The following CRHR1 variants were observed in gnomAD, a reference collection of about 807,000 sequenced individuals.
CRHR1 encodes the protein corticotropin-releasing hormone receptor 1.
A neutral mutation model predicts 56.0 loss-of-function variants in CRHR1; 28 were observed. The ratio of observed to expected loss-of-function variants is 0.50; its 90% CI spans 0.37 to 0.69. The LOEUF is 0.69. CRHR1 is among the 30% of genes least tolerant of loss of function. The probability of loss-of-function intolerance (pLI) is 0.00; values close to 1 mark genes in which losing one functional copy is unlikely to be tolerated. For synonymous variants in CRHR1, 195 were observed against 216.5 expected (o/e 0.90, Z 0.87); for missense variants, 376 against 548.0 (o/e 0.69, Z 3.13).
At chr17:45,808,782 A>G (rs758659752) in intron 2 of CRHR1, among the ~76,000 whole-genome samples, 29 of 152,270 alleles carry the variant, frequency 1.9e-4, no homozygotes, top group Admixed American at 1.2e-3. Context: ...CTGAGAAGCT[A>G]GGACTACGTG....
Position 45,821,304 on chromosome 17 carries a change from G to C in CRHR1, c.242-51G>C, listed in dbSNP as rs770204420. 5.8e-6 allele frequency: 9 copies of C among 1,554,452 alleles called. No individual in the cohort carries two copies. In the Admixed American group the frequency reaches 1.5e-4, roughly 26 times the overall value. On this transcript the variant is annotated intron_variant, in intron 3 of 12. Transcript: ENST00000314537. ...GCATCCATCTGGGCCAGGATGGTCA[G>C]GCAGGGGCCGGGGCTGCCCCGCCAT...
chr17:45,806,936 T>G (rs986669848), intron 1 of CRHR1, 74 bp from the exon 2 acceptor site: 26 of 1,377,244 alleles, frequency 1.9e-5, no homozygotes, highest in Non-Finnish European at 2.5e-5. Context: ...CCTGCAGTTT[T>G]CCTGGGTGAT....
Position 45,833,174 on chromosome 17 carries a change from C to T in CRHR1, c.807C>T (p.Asp269=), listed in dbSNP as rs758616111. The change falls in exon 9 of 13, where the codon GAC becomes GAT. Residue 269 remains aspartate, a synonymous_variant. Coordinates refer to ENST00000314537, the MANE Select transcript of CRHR1 (RefSeq NM_004382.5). ...GCAAAAGGCCTGGGGTGTACACCGA[C>T]TACATCTACCAGGGCCCCATGATCC... The part of the protein sequence containing the change: ...WFGKRPGVYT[D]YIYQGPMILV... The T allele has an allele frequency of 1.9e-6, 3 of 1,614,172 alleles. No homozygotes were observed. Among genetic ancestry groups the T allele is most frequent in the Non-Finnish European group, 2.5e-6 (3 of 1,180,026 alleles).
chr17:45,815,396 C>G (rs111661033), intron 2 of CRHR1, among the ~76,000 whole-genome samples: 10 of 152,340 alleles, frequency 6.6e-5, no homozygotes, highest in African/African-American at 2.2e-4. Context: ...GGCCTCAACT[C>G]TGCCCCAACA....
intron 1 of CRHR1, among the ~76,000 whole-genome samples, chr17:45,791,833 T>TTTTCTCTC (rs945864453): frequency 7.9e-6 from 1 of 127,122 alleles, no homozygotes; most frequent in African/African-American, 3.0e-5. Flanking sequence ...CTCTCTCTCT[T>TTTTCTCTC]TCTCTCTCTC....
At chr17:45,792,556 C>G (rs181621874) in intron 1 of CRHR1, among the ~76,000 whole-genome samples, 23 of 152,294 alleles carry the variant, frequency 1.5e-4, no homozygotes, top group Admixed American at 1.4e-3. Flanking sequence ...TGACACTTCT[C>G]TTACAGGAGC....
At chr17:45,811,915 G>A (rs1305631521) in intron 2 of CRHR1, among the ~76,000 whole-genome samples, 3 of 152,098 alleles carry the variant, frequency 2.0e-5, no homozygotes, top group Admixed American at 1.3e-4. Context: ...TGAGGACAGG[G>A]CATTTATTTG....
intron 3 of CRHR1, among the ~76,000 whole-genome samples, chr17:45,817,513 C>T (rs2061953539): frequency 6.6e-6 from 1 of 152,260 alleles, no homozygotes; most frequent in South Asian, 2.1e-4. Context: ...CCCTCAGCCC[C>T]TCATCTGAGG....
intron 1 of CRHR1, among the ~76,000 whole-genome samples, chr17:45,787,070 C>G (rs1331110971): frequency 6.6e-6 from 1 of 152,208 alleles, no homozygotes; most frequent in Non-Finnish European, 1.5e-5. Flanking sequence ...CCAGCTCCAT[C>G]CCCAACAAGT....
At chr17:45,825,284 A>G (rs765094275) in intron 4 of CRHR1, among the ~76,000 whole-genome samples, 3 of 152,034 alleles carry the variant, frequency 2.0e-5, no homozygotes, top group Non-Finnish European at 4.4e-5. Flanking sequence ...CAGGCCCCCA[A>G]CTGTTGCATG....
chr17:45,802,878 T>C (rs997271995), intron 1 of CRHR1, among the ~76,000 whole-genome samples: 1 of 152,200 alleles, frequency 6.6e-6, no homozygotes, highest in East Asian at 1.9e-4. Flanking sequence ...TAAGAACTTA[T>C]AGCCTGTATA....
chr17:45,831,794 A>C (rs959040750), intron 8 of CRHR1, among the ~76,000 whole-genome samples: 1 of 152,228 alleles, frequency 6.6e-6, no homozygotes, highest in African/African-American at 2.4e-5. Context: ...CCGGGAACCT[A>C]TCTGACTGAC....
At chr17:45,825,305 C>T (rs571514334) in intron 4 of CRHR1, among the ~76,000 whole-genome samples, 3 of 152,294 alleles carry the variant, frequency 2.0e-5, no homozygotes, top group East Asian at 1.9e-4. Context: ...CATGGCTGGC[C>T]GGGGGATGGC....
Position 45,784,410 on chromosome 17 carries a change from G to A in CRHR1, c.-135G>A, listed in dbSNP as rs573409892. 3 of 649,256 alleles carry A rather than the reference G, an allele frequency of 4.6e-6. No homozygotes were observed. Among genetic ancestry groups the A allele is most frequent in the South Asian group, 9.7e-5 (2 of 20,544 alleles). The allele number at this position is 649,256 out of a possible 1,614,324, so 40.2% of individuals were successfully genotyped here. A position where few individuals can be genotyped will look rare whatever the true frequency, so the allele number is the denominator to read the frequency against. On this transcript the variant is annotated 5_prime_UTR_variant, in exon 1 of 13. Transcript: ENST00000314537. This position sits in a 1 kb window ranked among gnomAD's most constrained non-coding sequence, Gnocchi z 4.2. ...GCGGGGCCGGGAAGCGCCGAGCCGG[G>A]CATCTCCTCACCAGGCAGCGACCGA...
intron 2 of CRHR1, among the ~76,000 whole-genome samples, chr17:45,811,575 C>T (rs2061825517): frequency 6.6e-6 from 1 of 152,188 alleles, no homozygotes; most frequent in Non-Finnish European, 1.5e-5. Flanking sequence ...CAGGAAAGAC[C>T]CTGAAGGCGT....
chr17:45,829,836 G>T (rs1248120471), intron 5 of CRHR1, among the ~76,000 whole-genome samples: 1 of 152,046 alleles, frequency 6.6e-6, no homozygotes, highest in African/African-American at 2.4e-5. Context: ...GAATCCAGCT[G>T]CCCTGGTCCA....
At chr17:45,818,017 G>A (rs2061963955) in intron 3 of CRHR1, among the ~76,000 whole-genome samples, 1 of 152,216 alleles carries the variant, frequency 6.6e-6, no homozygotes, top group Admixed American at 6.5e-5. Context: ...TCACGATGCT[G>A]GGGGCTGAGT....
At chr17:45,825,495 C>A (rs34283254) in intron 4 of CRHR1, 22,084 of 154,598 alleles carry the variant, frequency 0.14, 2,170 homozygotes, top group Non-Finnish European at 0.22. Context: ...GGAGCCTGGG[C>A]CTCAGGCACA....
chr17:45,818,345 G>C (rs572492757), intron 3 of CRHR1, among the ~76,000 whole-genome samples: 62 of 152,356 alleles, frequency 4.1e-4, no homozygotes, highest in African/African-American at 1.2e-3. Flanking sequence ...CGTTGCAAAG[G>C]GTTACTTGAC....
Sources: gnomAD v4.1 joint callset for allele counts (sites outside exome capture counted in the v4.1 genomes callset) on GRCh38, gnomAD v4.1.1 for gene constraint, Gnocchi (gnomAD v3.1) non-coding constraint, MANE v1.5 for transcripts, NCBI Gene and HGNC (gene_info 2026-07-23, HGNC 2026-07-21) for gene names.